Variants in GALNTL6 observed in about 807,000 individuals in gnomAD.
The protein encoded by GALNTL6 is polypeptide N-acetylgalactosaminyltransferase-like 6.
In GALNTL6, 46 loss-of-function variants were observed where a neutral mutation model predicts 73.7. The observed-to-expected ratio is 0.62, with a 90% CI of 0.49 to 0.80. GALNTL6 has a LOEUF of 0.80. Ranked by LOEUF, GALNTL6 falls within the 30% of genes least tolerant of loss-of-function variation. The pLI, the probability that GALNTL6 is intolerant of heterozygous loss-of-function variation, is 0.00. For missense variants in GALNTL6, 604 were observed against 755.0 expected (o/e 0.80, Z 2.34); for synonymous variants, 259 against 263.7 (o/e 0.98, Z 0.17).
intron 5 of GALNTL6, among the ~76,000 whole-genome samples, chr4:172,797,377 G>T (rs755277039): frequency 1.8e-4 from 27 of 152,146 alleles, no homozygotes; most frequent in Non-Finnish European, 3.1e-4. Flanking sequence ...CTCCCGAGTA[G>T]CTGGGACTAG....
intron 5 of GALNTL6, among the ~76,000 whole-genome samples, chr4:172,763,660 C>T (rs983025586): frequency 2.0e-5 from 3 of 152,204 alleles, no homozygotes; most frequent in Non-Finnish European, 4.4e-5. Flanking sequence ...TAACACTGAG[C>T]ACAGGTATTT....
At chr4:172,270,881 A>T (rs13143567) in intron 3 of GALNTL6, among the ~76,000 whole-genome samples, 19,124 of 152,214 alleles carry the variant, frequency 0.13, 1,298 homozygotes, top group East Asian at 0.3. Flanking sequence ...TCCTCCAAGA[A>T]AATCAAACAA....
At chr4:172,559,125 C>T (rs1266451926) in intron 5 of GALNTL6, among the ~76,000 whole-genome samples, 22 of 119,280 alleles carry the variant, frequency 1.8e-4, no homozygotes, top group African/African-American at 2.3e-4. Context: ...GGAGTGCAGT[C>T]GCGATCTCGG....
chr4:171,840,934 A>C (rs1487991007), intron 2 of GALNTL6, among the ~76,000 whole-genome samples: 1 of 152,190 alleles, frequency 6.6e-6, no homozygotes, highest in Non-Finnish European at 1.5e-5. Context: ...AGCTATTGTT[A>C]TCTCTCAAAA....
chr4:172,601,456 C>T (rs1190354747), intron 5 of GALNTL6, among the ~76,000 whole-genome samples: 1 of 152,112 alleles, frequency 6.6e-6, no homozygotes, highest in Non-Finnish European at 1.5e-5. Flanking sequence ...GGATAAATCA[C>T]TGAAAATAGG....
chr4:171,965,410 A>G (rs1243590890), intron 2 of GALNTL6, among the ~76,000 whole-genome samples: 3 of 152,138 alleles, frequency 2.0e-5, no homozygotes, highest in Non-Finnish European at 4.4e-5. Context: ...TAATCCCAGC[A>G]CTTTGGGAAA....
chr4:172,963,882 C>T (rs1425905783), intron 10 of GALNTL6, among the ~76,000 whole-genome samples: 1 of 152,192 alleles, frequency 6.6e-6, no homozygotes. Context: ...AGCCTCTGTT[C>T]AGCAATTTCC....
chr4:172,883,552 T>C (rs553268679), intron 8 of GALNTL6, among the ~76,000 whole-genome samples: 1 of 152,210 alleles, frequency 6.6e-6, no homozygotes, highest in East Asian at 1.9e-4. Flanking sequence ...GAGAACTCAC[T>C]CACCAGCAAG....
intron 5 of GALNTL6, among the ~76,000 whole-genome samples, chr4:172,369,194 A>G (rs1193524274): frequency 2.0e-5 from 3 of 152,064 alleles, no homozygotes; most frequent in Non-Finnish European, 4.4e-5. Context: ...TGCATTTACA[A>G]TCCTTGAGCT....
intron 5 of GALNTL6, among the ~76,000 whole-genome samples, chr4:172,738,975 A>G (rs569689184): frequency 6.6e-6 from 1 of 152,200 alleles, no homozygotes; most frequent in Non-Finnish European, 1.5e-5. Context: ...TACCATGCAG[A>G]TGAAGCCTCC....
intron 5 of GALNTL6, among the ~76,000 whole-genome samples, chr4:172,515,133 T>G (rs1053281218): frequency 6.6e-6 from 1 of 152,236 alleles, no homozygotes; most frequent in Non-Finnish European, 1.5e-5. Flanking sequence ...ATGTACAAAG[T>G]TGTAATTATT....
intron 8 of GALNTL6, among the ~76,000 whole-genome samples, chr4:172,907,776 A>G (rs977435518): frequency 2.0e-5 from 3 of 152,180 alleles, no homozygotes; most frequent in Admixed American, 2.0e-4. Flanking sequence ...CAGTAAAACT[A>G]GCATGAATTT....
chr4:172,805,606 C>G lies in GALNTL6; in HGVS notation c.554-3755C>G, dbSNP rs547629807. Among the ~76,000 whole-genome samples, 6 of 152,286 alleles carry G rather than the reference C, an allele frequency of 3.9e-5. No homozygotes were observed. In the East Asian group the frequency reaches 1.2e-3, roughly 29 times the overall value. ...GAGTTTTGCAAATGTCTCAAAGTCA[C>G]TAGGCAGATCTGCCTGGCTTATAAA... On this transcript the variant is annotated intron_variant, in intron 5 of 12. Transcript: ENST00000506823.
intron 2 of GALNTL6, among the ~76,000 whole-genome samples, chr4:172,077,392 G>C (rs1334769181): frequency 6.6e-6 from 1 of 152,088 alleles, no homozygotes; most frequent in African/African-American, 2.4e-5. Flanking sequence ...ACAGGCTGAG[G>C]TGATCTCGGA....
intron 5 of GALNTL6, among the ~76,000 whole-genome samples, chr4:172,714,162 A>T (rs1734906688): frequency 6.6e-6 from 1 of 152,176 alleles, no homozygotes; most frequent in Non-Finnish European, 1.5e-5. Flanking sequence ...TTTTGTTCTA[A>T]ACTATAAGTT....
intron 7 of GALNTL6, among the ~76,000 whole-genome samples, chr4:172,870,475 G>A (rs767201240): frequency 2.0e-4 from 30 of 152,132 alleles, no homozygotes; most frequent in African/African-American, 5.8e-4. Context: ...CAAAGAATCC[G>A]TTTCTTCTGT....
intron 3 of GALNTL6, among the ~76,000 whole-genome samples, chr4:172,294,732 A>C (rs1277552461): frequency 6.6e-6 from 1 of 152,210 alleles, no homozygotes; most frequent in Non-Finnish European, 1.5e-5. Flanking sequence ...ATGAAACTAA[A>C]TAAGATTCAA....
intron 5 of GALNTL6, among the ~76,000 whole-genome samples, chr4:172,717,661 T>C (rs993037490): frequency 6.6e-6 from 1 of 152,152 alleles, no homozygotes; most frequent in African/African-American, 2.4e-5. Context: ...AACACACAGA[T>C]ATTGGAAGAG....
intron 2 of GALNTL6, among the ~76,000 whole-genome samples, chr4:172,012,739 C>T (rs1741055539): frequency 2.1e-5 from 2 of 96,596 alleles, no homozygotes; most frequent in African/African-American, 6.0e-5. Flanking sequence ...CTCCTCACAT[C>T]ATTATTATTG....
Sources: gnomAD v4.1 joint callset for allele counts (sites outside exome capture counted in the v4.1 genomes callset) on GRCh38, gnomAD v4.1.1 for gene constraint, MANE v1.5 for transcripts, NCBI Gene and HGNC (gene_info 2026-07-23, HGNC 2026-07-21) for gene names.